The following ARHGEF26 variants were observed in gnomAD, a reference collection of about 807,000 sequenced individuals.
ARHGEF26 encodes Rho guanine nucleotide exchange factor (GEF) 26.
Under a neutral mutation model 89.4 loss-of-function variants are expected in ARHGEF26, and 59 were observed. The observed-to-expected ratio is 0.66, with a 90% CI of 0.54 to 0.82. The LOEUF (loss-of-function observed/expected upper bound fraction) is 0.82. Among genes scored for constraint, ARHGEF26 ranks in the 40% least tolerant of loss-of-function variants. The pLI is 0.00. For missense variants in ARHGEF26, 1,234 were observed against 1,085.6 expected (o/e 1.14, Z -1.92); for synonymous variants, 500 against 428.4 (o/e 1.17, Z -2.06).
At chr3:154,158,403 T>C (rs1046578549) in intron 6 of ARHGEF26, among the ~76,000 whole-genome samples, 6 of 151,970 alleles carry the variant, frequency 3.9e-5, no homozygotes, top group African/African-American at 1.5e-4. Context: ...TTAAAAGGAG[T>C]ATTTGGGGAG....
At chr3:154,233,389 A>G (rs1716927242) in intron 11 of ARHGEF26, among the ~76,000 whole-genome samples, 1 of 151,952 alleles carries the variant, frequency 6.6e-6, no homozygotes, top group Non-Finnish European at 1.5e-5. Context: ...TTCCATTTAA[A>G]CACACGATCA....
Position 154,125,952 on chromosome 3 carries a change from C to G in ARHGEF26, c.1123+1503C>G, listed in dbSNP as rs1270953812. 2.0e-5 allele frequency among the ~76,000 whole-genome samples: 3 copies of G among 152,106 alleles called. No individual in the cohort carries two copies. In the East Asian group the frequency reaches 5.8e-4, roughly 29 times the overall value. On this transcript the variant is annotated intron_variant, in intron 3 of 14. Transcript: ENST00000465093. The stretch of plus-strand genomic sequence containing the variant: ...GTTCCTGTTCATCAGTTAAGTGATA[C>G]TGAGAAAAACCCTTAATATCACAGG...
chr3:154,256,916 A>G lies in ARHGEF26; in HGVS notation c.*1443A>G, dbSNP rs1418874175. ...TTAATAGTCGGTTTCATGGAGATGAAGGATGGGAGATTAAGAGGGGGGAAA... is the reference window on the plus strand; with the variant it reads ...TTAATAGTCGGTTTCATGGAGATGAGGGATGGGAGATTAAGAGGGGGGAAA... On this transcript the variant is annotated 3_prime_UTR_variant, in exon 15 of 15. Transcript: ENST00000465093. 3 of 1,534,888 alleles carry G rather than the reference A, an allele frequency of 2.0e-6. No individual in the cohort carries two copies. The Admixed American group carries it at 5.9e-5, about 30-fold the overall frequency.
At chr3:154,203,585 G>T (rs1468230978) in intron 9 of ARHGEF26, among the ~76,000 whole-genome samples, 7 of 152,094 alleles carry the variant, frequency 4.6e-5, no homozygotes, top group Admixed American at 2.0e-4. Context: ...AAGGTTTTCA[G>T]TTTTCTCCAT....
intron 4 of ARHGEF26, among the ~76,000 whole-genome samples, chr3:154,147,360 G>C (rs1719764387): frequency 6.6e-6 from 1 of 152,202 alleles, no homozygotes; most frequent in Admixed American, 6.5e-5. Context: ...GCAGTGAGCT[G>C]AGATAGCACC....
intron 3 of ARHGEF26, 76 bp from the exon 4 acceptor site, chr3:154,129,498 C>T (rs1004586510): frequency 2.0e-6 from 3 of 1,474,036 alleles, no homozygotes; most frequent in Non-Finnish European, 2.8e-6. Context: ...ACATTGGGTA[C>T]ATATGATGTT....
chr3:154,149,780 C>T (rs1719908475), intron 5 of ARHGEF26, among the ~76,000 whole-genome samples: 1 of 152,030 alleles, frequency 6.6e-6, no homozygotes, highest in Non-Finnish European at 1.5e-5. Context: ...AACTGATAGT[C>T]ACGTTAGTCT....
chr3:154,198,123 C>G (rs902753929), intron 9 of ARHGEF26, among the ~76,000 whole-genome samples: 1 of 151,944 alleles, frequency 6.6e-6, no homozygotes, highest in Non-Finnish European at 1.5e-5. Context: ...GGCCAACAAA[C>G]GTGAAAAAAT....
intron 6 of ARHGEF26, among the ~76,000 whole-genome samples, chr3:154,181,286 A>T (rs551476735): frequency 6.6e-6 from 1 of 152,198 alleles, no homozygotes; most frequent in Non-Finnish European, 1.5e-5. Context: ...TTTAGGGAAG[A>T]TATTTTATTA....
At chr3:154,197,900 A>G (rs766325769) in intron 9 of ARHGEF26, among the ~76,000 whole-genome samples, 1 of 152,206 alleles carries the variant, frequency 6.6e-6, no homozygotes, top group East Asian at 1.9e-4. Flanking sequence ...TCTTATGCCA[A>G]ATGAATCTTC....
intron 9 of ARHGEF26, among the ~76,000 whole-genome samples, chr3:154,195,466 T>C (rs1289355716): frequency 6.6e-6 from 1 of 152,104 alleles, no homozygotes; most frequent in Non-Finnish European, 1.5e-5. Context: ...TGATAGTTGA[T>C]TAGGCAAGGG....
chr3:154,243,388 CTG>C (rs1299029715), intron 12 of ARHGEF26, among the ~76,000 whole-genome samples: 1 of 152,134 alleles, frequency 6.6e-6, no homozygotes, highest in Non-Finnish European at 1.5e-5. Flanking sequence ...ATTTTCCTGA[CTG>C]TCTCATTCAT....
At chr3:154,123,114 C>T (rs368044148) in intron 2 of ARHGEF26, 39 bp downstream of exon 2, 2 of 1,607,326 alleles carry the variant, frequency 1.2e-6, no homozygotes, top group South Asian at 1.1e-5. Flanking sequence ...ATTCACTAAG[C>T]GGAAAGTAAA....
intron 12 of ARHGEF26, among the ~76,000 whole-genome samples, chr3:154,250,187 G>C (rs1465280837): frequency 6.6e-6 from 1 of 152,098 alleles, no homozygotes; most frequent in Non-Finnish European, 1.5e-5. Context: ...GCACCACCAC[G>C]CCCAGCTAAT....
At chr3:154,153,472 A>G (rs1486777674) in intron 6 of ARHGEF26, among the ~76,000 whole-genome samples, 1 of 152,114 alleles carries the variant, frequency 6.6e-6, no homozygotes, top group East Asian at 1.9e-4. Context: ...TTTTTTTCCA[A>G]GTATATACAT....
At chr3:154,121,829 G>A in intron 1 of ARHGEF26, 113 bp from the exon 2 acceptor site, 2 of 963,090 alleles carry the variant, frequency 2.1e-6, no homozygotes, top group Non-Finnish European at 1.5e-6. Flanking sequence ...GGTAAGTGCG[G>A]TGCAGTCGTG....
intron 4 of ARHGEF26, among the ~76,000 whole-genome samples, chr3:154,144,453 C>T (rs905280252): frequency 6.6e-6 from 1 of 152,132 alleles, no homozygotes; most frequent in Non-Finnish European, 1.5e-5. Flanking sequence ...GAGAACCAAC[C>T]AGAACTCTGA....
chr3:154,214,611 G>A (rs1270998790), intron 9 of ARHGEF26, among the ~76,000 whole-genome samples: 1 of 152,132 alleles, frequency 6.6e-6, no homozygotes, highest in Non-Finnish European at 1.5e-5. Flanking sequence ...AATGGCTCTG[G>A]GAAATTTAAG....
chr3:154,143,839 T>G (rs116572473), intron 4 of ARHGEF26, among the ~76,000 whole-genome samples: 3,923 of 152,306 alleles, frequency 0.026, 58 homozygotes, highest in Middle Eastern at 0.037. Context: ...GTCATTAGCT[T>G]TTCATGTATT....
Sources: allele counts gnomAD v4.1 joint callset (sites outside exome capture counted in the v4.1 genomes callset), GRCh38; gene constraint gnomAD v4.1.1; transcripts MANE v1.5; gene names NCBI Gene and HGNC (gene_info 2026-07-23, HGNC 2026-07-21).